PLEC: variants seen among roughly 807,000 people sequenced by gnomAD.
PLEC encodes the protein hemidesmosomal protein 1.
PLEC carries 216 observed loss-of-function variants against 392.8 expected under a neutral mutation model. The ratio of observed to expected loss-of-function variants is 0.55; its 90% CI spans 0.49 to 0.62. PLEC has a LOEUF of 0.62. Among genes scored for constraint, PLEC ranks in the 20% least tolerant of loss-of-function variants. The probability of loss-of-function intolerance (pLI) is 0.00; values close to 1 mark genes in which losing one functional copy is unlikely to be tolerated. For synonymous variants in PLEC, 3,621 were observed against 2,980.6 expected, an observed-to-expected ratio of 1.21 and a Z score of -7.00; for missense variants, 6,863 against 6,563.4, an observed-to-expected ratio of 1.05 and a Z score of -1.58.
chr8:143,945,450 G>A (rs548244384), intron 1 of PLEC, among the ~76,000 whole-genome samples: 20 of 152,178 alleles, frequency 1.3e-4, no homozygotes, highest in South Asian at 2.1e-4. Flanking sequence ...CAATGCAGCC[G>A]GGGAAACAGG....
chr8:143,950,861 G>A (rs1255817791), exon 1 of PLEC: 37 of 1,425,492 alleles, frequency 2.6e-5, no homozygotes, highest in Middle Eastern at 2.5e-4. Flanking sequence ...GGTGCTGAGC[G>A]TGAGGGCGCG....
At chr8:143,949,517 G>A (rs1041114927) in intron 1 of PLEC, among the ~76,000 whole-genome samples, 1 of 152,158 alleles carries the variant, frequency 6.6e-6, no homozygotes, top group Non-Finnish European at 1.5e-5. Context: ...TGTCCTGTGC[G>A]ACCTGGTTCG....
rs1165552236 is a variant in PLEC, at chr8:143,915,311, G to C, written c.*866C>G. On this transcript the variant is annotated 3_prime_UTR_variant, in exon 32 of 32. Transcript: ENST00000345136. ...CAAAGCTCAGAGGGTGGAGGCAGGG[G>C]TGGTCGCTGCTGAGACCAGGGCTGG... The C allele has an allele frequency of 1.3e-5, 2 of 152,490 alleles. No homozygotes were observed. The highest frequency in any genetic ancestry group is 4.8e-5 in the African/African-American group (2 of 41,470). 9.4% of individuals were successfully genotyped at this position (152,490 alleles called of 1,614,324 possible). A position where few individuals can be genotyped will look rare whatever the true frequency, so the allele number is the denominator to read the frequency against.
At chr8:143,950,124 A>T (rs1301076470) in intron 1 of PLEC, 6 of 1,455,230 alleles carry the variant, frequency 4.1e-6, no homozygotes, top group Non-Finnish European at 5.4e-6. Flanking sequence ...CAGGCCCAAG[A>T]CCCGACAACC....
chr8:143,939,279 A>C, intron 1 of PLEC, 71 bp downstream of exon 1: 1 of 1,544,786 alleles, frequency 6.5e-7, no homozygotes, highest in Non-Finnish European at 8.8e-7. Context: ...CTTTCCTGCC[A>C]CAGGAAGTGG....
In PLEC at chr8:143,925,331, C is replaced by T. The variant is rs201430180; in HGVS notation, c.4598G>A (p.Arg1533Gln). ...AEAEAAREKQ[R>Q]ALQALEELRL... ...CAGCTCCTCCAGGGCCTGCAGGGCC[C>T]GCTGCTTCTCGCGCGCCGCCTCGGC... Residue 1533 changes from arginine to glutamine, a missense_variant, in exon 31 of 32, where the codon CGG (arginine) becomes CAG (glutamine). Arg to Gln is a conservative substitution (Grantham distance 43). Coordinates refer to ENST00000345136, the MANE Select transcript of PLEC (RefSeq NM_201384.3). 5.8e-3 allele frequency: 9,076 copies of T among 1,555,728 alleles called. 35 individuals are homozygous for T. Among genetic ancestry groups the T allele is most frequent in the Middle Eastern group, 8.0e-3 (39 of 4,866 alleles).
Position 143,921,256 on chromosome 8 carries a change from G to A in PLEC, c.8565C>T (p.Asp2855=), listed in dbSNP as rs1586836573. ...DPSDDTKGFF[D]PNTHENLTYL... ...ACGTGAGGTTCTCGTGCGTGTTGGG[G>A]TCAAAGAAGCCCTTGGTGTCGTCGC... is the stretch of plus-strand genomic sequence containing the variant. The change falls in exon 32 of 32, where the codon GAC becomes GAT. Residue 2855 remains aspartate (D), a synonymous_variant. Transcript: ENST00000345136. The A allele has an allele frequency of 1.2e-6, 2 of 1,614,030 alleles. No homozygotes were observed. Among genetic ancestry groups the A allele is most frequent in the Non-Finnish European group, 1.7e-6 (2 of 1,180,060 alleles).
intron 1 of PLEC, among the ~76,000 whole-genome samples, chr8:143,947,391 G>C (rs1364802341): frequency 1.3e-5 from 2 of 152,254 alleles, no homozygotes; most frequent in African/African-American, 4.8e-5. Context: ...ACAGCGCTCA[G>C]CTGGCGTCTC....
rs781890668 is a variant in PLEC, at chr8:143,923,620, C to A, written c.6309G>T (p.Glu2103Asp). The change falls in exon 31 of 32, where the codon GAG becomes GAT. Residue 2103 changes from glutamate (E) to aspartate (D), a missense_variant. Glu to Asp is a conservative substitution (Grantham distance 45, BLOSUM62 2). Coordinates refer to ENST00000345136, the MANE Select transcript of PLEC (RefSeq NM_201384.3). ...AEEARVQAEREAAQSRRQVEE... is the reference protein window; with the variant it reads ...AEEARVQAERDAAQSRRQVEE... ...CCACCTGCCGCCGGGACTGCGCCGC[C>A]TCACGCTCCGCCTGCACCCGGGCCT... 6.8e-5 allele frequency: 108 copies of A among 1,590,254 alleles called. No homozygotes were observed. The highest frequency in any genetic ancestry group is 8.8e-5 in the Non-Finnish European group (104 of 1,175,712).
intron 24 of PLEC, 27 bp from the exon 25 acceptor site, chr8:143,929,308 C>T: frequency 6.3e-7 from 1 of 1,597,532 alleles, no homozygotes; most frequent in South Asian, 1.1e-5. Flanking sequence ...TGGGAACGCA[C>T]TCATCACCGA....
At chr8:143,942,320 CAG>C, upstream of PLEC, 1 of 1,571,414 alleles carries the variant, frequency 6.4e-7, no homozygotes, top group Non-Finnish European at 8.7e-7. Flanking sequence ...CGGTTCCCAG[CAG>C]AGACCCAGCC....
intron 1 of PLEC, chr8:143,946,261 A>G (rs1192233166): frequency 1.5e-5 from 15 of 1,000,892 alleles, no homozygotes; most frequent in Non-Finnish European, 1.9e-5. Flanking sequence ...ACGGCACAGA[A>G]CGGTGGACAA....
chr8:143,926,199 C>T (rs2131539806), intron 30 of PLEC, among the ~76,000 whole-genome samples: 1 of 152,354 alleles, frequency 6.6e-6, no homozygotes, highest in South Asian at 2.1e-4. Flanking sequence ...GCGAGCCACA[C>T]CCAGCACACA....
chr8:143,925,062 C>A lies in PLEC; in HGVS notation c.4867G>T (p.Ala1623Ser), dbSNP rs1554700496. 8.4e-6 allele frequency: 13 copies of A among 1,542,150 alleles called. No homozygotes were observed. Among genetic ancestry groups the A allele is most frequent in the Non-Finnish European group, 1.1e-5 (13 of 1,150,704 alleles). The change falls in exon 31 of 32, where the codon GCG becomes TCG. Residue 1623 changes from alanine to serine, a missense_variant. By Grantham distance (99) the Ala-to-Ser change is moderately conservative. Transcript: ENST00000345136. The part of the protein sequence containing the change: ...RAQQQAEAER[A>S]REEAERELER... ...AGCTCCCGCTCTGCCTCCTCGCGCG[C>A]CCGCTCGGCCTCGGCCTGCTGCTGT...
intron 1 of PLEC, among the ~76,000 whole-genome samples, chr8:143,963,946 G>A (rs1832974731): frequency 6.6e-6 from 1 of 151,670 alleles, no homozygotes; most frequent in Non-Finnish European, 1.5e-5. Context: ...CTGAGTAGCT[G>A]GGATTATTGG....
Position 143,916,687 on chromosome 8 carries a change from C to T in PLEC, c.13134G>A (p.Trp4378Ter). ...MSAAQALKKG[W>*]LYYEAGQRFL... is the part of the protein sequence containing the mutation. ...AGCGCTGGCCGGCCTCGTAGTAGAG[C>T]CAGCCCTTCTTCAGGGCCTGGGCGG... is the stretch of plus-strand genomic sequence containing the variant. Residue 4378 changes from tryptophan (W) to a stop codon, truncating the protein, a stop_gained, in exon 32 of 32, where the codon TGG (tryptophan) becomes TGA (stop). Coordinates refer to ENST00000345136, the MANE Select transcript of PLEC (RefSeq NM_201384.3). LOFTEE classifies it high-confidence loss of function. 1 of 1,612,344 alleles carries T rather than the reference C, an allele frequency of 6.2e-7. No homozygotes were observed. Among genetic ancestry groups the T allele is most frequent in the South Asian group, 1.1e-5 (1 of 91,058 alleles).
chr8:143,916,044 A>G lies in PLEC; in HGVS notation c.*133T>C, dbSNP rs527585837. ...CTGGACAGCAGATATATATTAATATATTAGTCTGGTCTTTTTGGTTAAACT... is the reference window on the plus strand; with the variant it reads ...CTGGACAGCAGATATATATTAATATGTTAGTCTGGTCTTTTTGGTTAAACT... On this transcript the variant is annotated 3_prime_UTR_variant, in exon 32 of 32. Transcript: ENST00000345136. 72 of 601,846 alleles carry G rather than the reference A, an allele frequency of 1.2e-4. 1 individual carries two copies. The African/African-American group carries it at 1.2e-3, about 10-fold the overall frequency. 37.3% of individuals were successfully genotyped at this position (601,846 alleles called of 1,614,324 possible). A position where few individuals can be genotyped will look rare whatever the true frequency, so the allele number is the denominator to read the frequency against.
chr8:143,970,334 A>C (rs1833356618), intron 1 of PLEC, among the ~76,000 whole-genome samples: 1 of 151,792 alleles, frequency 6.6e-6, no homozygotes, highest in Non-Finnish European at 1.5e-5. Flanking sequence ...GGAAGTATAC[A>C]AAGAAAAACG....
In PLEC at chr8:143,938,198, C is replaced by G; in HGVS notation, c.217G>C (p.Gly73Arg). The change falls in exon 3 of 32, where the codon GGC becomes CGC. Residue 73 changes from glycine (G) to arginine (R), a missense_variant. Transcript: ENST00000345136. ...TCCAGCAGGGAGATGAGGTTGTGGC[C>G]ATCGCGGAGGTCTTCATACAGGTCA... is the stretch of plus-strand genomic sequence containing the variant. ...ISDLYEDLRD[G>R]HNLISLLEVL... 1 of 1,608,714 alleles carries G rather than the reference C, an allele frequency of 6.2e-7. No individual in the cohort carries two copies. The highest frequency in any genetic ancestry group is 8.5e-7 in the Non-Finnish European group (1 of 1,178,954).
Sources: allele counts gnomAD v4.1 joint callset (sites outside exome capture counted in the v4.1 genomes callset), GRCh38; gene constraint gnomAD v4.1.1; transcripts MANE v1.5; gene names NCBI Gene and HGNC (gene_info 2026-07-23, HGNC 2026-07-21).